IARS2: variants seen among roughly 807,000 people sequenced by gnomAD.
The protein encoded by IARS2 is isoleucyl-tRNA synthetase 2, mitochondrial.
A neutral mutation model predicts 126.3 loss-of-function variants in IARS2; 56 were observed. That is an observed-to-expected ratio of 0.44 (90% CI 0.36 to 0.55). The LOEUF is 0.55. IARS2 is among the 20% of genes least tolerant of loss of function. The pLI is 0.00. For synonymous variants in IARS2, 407 were observed against 441.1 expected (o/e 0.92, Z 0.97); for missense variants, 1,127 against 1,245.9 (o/e 0.90, Z 1.44).
intron 12 of IARS2, among the ~76,000 whole-genome samples, chr1:220,122,090 C>T (rs909575139): frequency 1.3e-5 from 2 of 151,838 alleles, no homozygotes; most frequent in Non-Finnish European, 2.9e-5. Flanking sequence ...CACCTTGTCT[C>T]AAAAAAATTA....
rs748584586 is a variant in IARS2, at chr1:220,094,169, CA to C, written c.-46del. ...TTGGTTTCCTGGGGTCCTGCCCCTTCAAGCTGGGGCGGGAGCGGAGGACCCC... is the reference window on the plus strand; with the variant it reads ...TTGGTTTCCTGGGGTCCTGCCCCTTCAGCTGGGGCGGGAGCGGAGGACCCC... On this transcript the variant is annotated 5_prime_UTR_variant, in exon 1 of 23. Coordinates refer to ENST00000366922, the MANE Select transcript of IARS2 (RefSeq NM_018060.4). 5 of 1,492,788 alleles carry C rather than the reference CA, an allele frequency of 3.3e-6. No individual in the cohort carries two copies. The highest frequency in any genetic ancestry group is 4.4e-6 in the Non-Finnish European group (5 of 1,126,054). The allele number at this position is 1,492,788 out of a possible 1,614,324, so 92.5% of individuals were successfully genotyped here.
At chr1:220,121,703 C>G (rs1000175374) in intron 12 of IARS2, among the ~76,000 whole-genome samples, 3 of 152,058 alleles carry the variant, frequency 2.0e-5, no homozygotes, top group African/African-American at 2.4e-5. Flanking sequence ...CCTTGGCCTC[C>G]CAAAGTGCTA....
At position 220,096,339 on chromosome 1, in the gene IARS2, CTA is replaced by C. The variant is rs1363919230; in HGVS notation, c.390+114_390+115del. The stretch of plus-strand genomic sequence containing the variant: ...TGTAAATTTAGATTTGCACATAAAA[CTA>C]AAACATTTTCATAGAAAGCAATATA... On this transcript the variant is annotated intron_variant, in intron 2 of 22. Coordinates refer to ENST00000366922, the MANE Select transcript of IARS2 (RefSeq NM_018060.4). The C allele has an allele frequency of 9.4e-6, 7 of 747,666 alleles. No individual in the cohort carries two copies. In the Admixed American group the frequency reaches 1.4e-4, roughly 15 times the overall value. The allele number at this position is 747,666 out of a possible 1,614,324, so 46.3% of individuals were successfully genotyped here. A position where few individuals can be genotyped will look rare whatever the true frequency, so the allele number is the denominator to read the frequency against.
chr1:220,123,705 C>T (rs1360128207), intron 12 of IARS2, among the ~76,000 whole-genome samples: 1 of 152,074 alleles, frequency 6.6e-6, no homozygotes, highest in Non-Finnish European at 1.5e-5. Flanking sequence ...TCTCGATCTC[C>T]TGAGCTCGTG....
intron 12 of IARS2, among the ~76,000 whole-genome samples, chr1:220,114,690 G>A (rs1656879675): frequency 6.6e-6 from 1 of 152,116 alleles, no homozygotes; most frequent in African/African-American, 2.4e-5. Context: ...TAGAAGTAAA[G>A]TCTCTGACTT....
chr1:220,100,369 CAT>C (rs1434021937), intron 2 of IARS2, 119 bp from the exon 3 acceptor site: 1 of 802,500 alleles, frequency 1.2e-6, no homozygotes, highest in African/African-American at 1.8e-5. Flanking sequence ...AAAAAAAGAA[CAT>C]AAATTGTAGG....
chr1:220,104,599 G>T (rs1351319230), intron 8 of IARS2, among the ~76,000 whole-genome samples: 1 of 151,972 alleles, frequency 6.6e-6, no homozygotes, highest in African/African-American at 2.4e-5. Context: ...TGCCCAGGCT[G>T]GTCTTGAACT....
rs1392934141 is a variant in IARS2 at position 220,139,151 on chromosome 1, TTAA to T, written c.2307+16_2307+18del. ...ATTTGGCAAACAAGGTAAATGTAAA[TTAA>T]TAAACTTTTGGAAACTAGAAATATC... is the stretch of plus-strand genomic sequence containing the variant. On this transcript the variant is annotated intron_variant, in intron 18 of 22. Coordinates refer to ENST00000366922, the MANE Select transcript of IARS2 (RefSeq NM_018060.4). 2 of 1,595,234 alleles carry T rather than the reference TTAA, an allele frequency of 1.3e-6. No individual in the cohort carries two copies. The highest frequency in any genetic ancestry group is 2.7e-5 in the African/African-American group (2 of 74,110).
chr1:220,136,478 A>C (rs1475213337), intron 15 of IARS2, among the ~76,000 whole-genome samples: 1 of 151,894 alleles, frequency 6.6e-6, no homozygotes, highest in African/African-American at 2.4e-5. Context: ...GGTGGCTCAT[A>C]CCTGTAATTC....
chr1:220,118,285 C>T (rs898798440), intron 12 of IARS2: 4 of 409,106 alleles, frequency 9.8e-6, no homozygotes, highest in African/African-American at 4.2e-5. Flanking sequence ...GGGAGCTGTA[C>T]GATATCTCTA....
At position 220,107,075 on chromosome 1, in the gene IARS2, C is replaced by G; in HGVS notation, c.1251C>G (p.Asp417Glu). The G allele has an allele frequency of 6.2e-7, 1 of 1,609,798 alleles. No homozygotes were observed. Among genetic ancestry groups the G allele is most frequent in the Non-Finnish European group, 8.5e-7 (1 of 1,176,260 alleles). ...ATACTTTATAGGATTGTCTAGTGGA[C>G]GAAGATGGAGTTTTCACAGATGTTG... ...QHNLPMDCLV[D>E]EDGVFTDVAG... is the part of the protein sequence containing the mutation. The change falls in exon 10 of 23, where the codon GAC becomes GAG. Residue 417 changes from aspartate (D) to glutamate (E), a missense_variant. Transcript: ENST00000366922.
At chr1:220,103,660 T>A in intron 8 of IARS2, 98 bp downstream of exon 8, 1 of 707,200 alleles carries the variant, frequency 1.4e-6, no homozygotes, top group Non-Finnish European at 2.5e-6. Context: ...TTGAAACAGA[T>A]ATGGCCTCTA....
rs757949746 is a variant in IARS2 at position 220,110,885 on chromosome 1, G to T, written c.1427G>T (p.Arg476Leu). 7 of 1,613,768 alleles carry T rather than the reference G, an allele frequency of 4.3e-6. No homozygotes were observed. In the East Asian group the frequency reaches 6.7e-5, roughly 15 times the overall value. Reference protein sequence around the residue: ...DWRTKKPVVIRASKQWFINIT... With the variant: ...DWRTKKPVVILASKQWFINIT... ...AGGACCAAGAAACCTGTGGTTATTC[G>T]TGCCAGCAAGCAGTGGTTTATAAAC... The change falls in exon 11 of 23, where the codon CGT becomes CTT. Residue 476 changes from arginine (R) to leucine (L), a missense_variant. By Grantham distance (102) the Arg-to-Leu change is moderately radical. Coordinates refer to ENST00000366922, the MANE Select transcript of IARS2 (RefSeq NM_018060.4).
chr1:220,114,514 A>C, intron 12 of IARS2, 40 bp downstream of exon 12: 1 of 1,499,878 alleles, frequency 6.7e-7, no homozygotes, highest in Non-Finnish European at 9.1e-7. Context: ...TTTAAAGTGA[A>C]ATATTTTTTC....
At chr1:220,115,048 G>A (rs1200087649) in intron 12 of IARS2, among the ~76,000 whole-genome samples, 1 of 151,552 alleles carries the variant, frequency 6.6e-6, no homozygotes, top group Non-Finnish European at 1.5e-5. Context: ...CAGGTATCCA[G>A]AACCTTTTTT....
At chr1:220,099,535 G>A (rs1656521864) in intron 2 of IARS2, among the ~76,000 whole-genome samples, 1 of 152,102 alleles carries the variant, frequency 6.6e-6, no homozygotes, top group Non-Finnish European at 1.5e-5. Flanking sequence ...ATTGTTTAGA[G>A]CATATATGCA....
chr1:220,147,499 A>T lies in IARS2; in HGVS notation c.2903A>T (p.Asp968Val). 1 of 1,614,058 alleles carries T rather than the reference A, an allele frequency of 6.2e-7. No individual in the cohort carries two copies. Among genetic ancestry groups the T allele is most frequent in the Non-Finnish European group, 8.5e-7 (1 of 1,179,920 alleles). The change falls in exon 23 of 23, where the codon GAT becomes GTT. Residue 968 changes from aspartate to valine, a missense_variant. Transcript: ENST00000366922. ...TTCATGTATTTTTTTATAGGTGGTGATATTCGTGAAGAGTCTTCCTATAAA... is the reference window on the plus strand; with the variant it reads ...TTCATGTATTTTTTTATAGGTGGTGTTATTCGTGAAGAGTCTTCCTATAAA... ...GKFLINLEGG[D>V]IREESSYKVI... is the part of the protein sequence containing the mutation.
At chr1:220,147,381 C>A in intron 22 of IARS2, 112 bp from the exon 23 acceptor site, 1 of 1,002,426 alleles carries the variant, frequency 1.0e-6, no homozygotes, top group Non-Finnish European at 1.5e-6. Flanking sequence ...GTCTGACAAG[C>A]TTTACCAAGG....
chr1:220,139,666 G>A (rs912844218), intron 18 of IARS2, among the ~76,000 whole-genome samples: 8 of 152,138 alleles, frequency 5.3e-5, no homozygotes, highest in East Asian at 1.9e-4. Flanking sequence ...CAGGAGAATC[G>A]CTTGAGCCCA....
Sources: gnomAD v4.1 joint callset for allele counts (sites outside exome capture counted in the v4.1 genomes callset) on GRCh38, gnomAD v4.1.1 for gene constraint, MANE v1.5 for transcripts, NCBI Gene and HGNC (gene_info 2026-07-23, HGNC 2026-07-21) for gene names.